SLC39A11: variants seen among roughly 807,000 people sequenced by gnomAD.
SLC39A11 encodes zinc transporter ZIP11.
SLC39A11 carries 33 observed loss-of-function variants against 36.1 expected under a neutral mutation model. The ratio of observed to expected loss-of-function variants is 0.91; its 90% CI spans 0.69 to 1.22. SLC39A11 has a LOEUF of 1.22. Among genes scored for constraint, SLC39A11 ranks in the 50% most tolerant of loss-of-function variants. The pLI, the probability that SLC39A11 is intolerant of heterozygous loss-of-function variation, is 0.00. For missense variants in SLC39A11, 432 were observed against 430.3 expected, an observed-to-expected ratio of 1.00 and a Z score of -0.03; for synonymous variants, 166 against 170.3, an observed-to-expected ratio of 0.97 and a Z score of 0.20.
chr17:72,985,844 G>T (rs930334016), intron 4 of SLC39A11, among the ~76,000 whole-genome samples: 5 of 152,172 alleles, frequency 3.3e-5, no homozygotes, highest in Admixed American at 1.3e-4. Flanking sequence ...TGCAAACAGG[G>T]TCTTTGTAAA....
At chr17:73,063,164 C>G (rs764245080) in intron 3 of SLC39A11, among the ~76,000 whole-genome samples, 9 of 152,176 alleles carry the variant, frequency 5.9e-5, no homozygotes, top group Non-Finnish European at 1.2e-4. Flanking sequence ...TTGTCTCTAT[C>G]ACCCTCAGTC....
intron 7 of SLC39A11, among the ~76,000 whole-genome samples, chr17:72,719,396 G>A (rs372101158): frequency 2.5e-4 from 38 of 152,288 alleles, no homozygotes; most frequent in South Asian, 1.0e-3. Flanking sequence ...ATGTCCCCAC[G>A]AGTGCGACAC....
At chr17:72,806,491 G>A (rs1291948312) in intron 6 of SLC39A11, among the ~76,000 whole-genome samples, 2 of 152,060 alleles carry the variant, frequency 1.3e-5, no homozygotes, top group Admixed American at 6.5e-5. Context: ...TCTTGGCAAC[G>A]GTCCCTTTTT....
rs759834440 is a variant in SLC39A11, at chr17:72,947,628, G to A, written c.430+124C>T. The A allele has an allele frequency of 7.2e-5, 101 of 1,401,750 alleles. 3 individuals carry two copies. The South Asian group carries it at 1.2e-3, about 16-fold the overall frequency. The allele number at this position is 1,401,750 out of a possible 1,614,324, so 86.8% of individuals were successfully genotyped here. A position where few individuals can be genotyped will look rare whatever the true frequency, so the allele number is the denominator to read the frequency against. ...ATGCAGTAGTAGGGTGAGTGATTCGGAGGGATAGGACAGTGCTGGCATTTC... is the reference window on the plus strand; with the variant it reads ...ATGCAGTAGTAGGGTGAGTGATTCGAAGGGATAGGACAGTGCTGGCATTTC... On this transcript the variant is annotated intron_variant, in intron 5 of 9. Coordinates refer to ENST00000255559, the MANE Select transcript of SLC39A11 (RefSeq NM_139177.4).
At chr17:72,796,122 AGTTATGAGGATGAAGCCCTGG>A (rs2076887767) in intron 6 of SLC39A11, among the ~76,000 whole-genome samples, 1 of 152,144 alleles carries the variant, frequency 6.6e-6, no homozygotes, top group African/African-American at 2.4e-5. Context: ...ACATACTCTG[AGTTATGAGGATGAAGCCCTGG>A]GCTGAGCCTC....
At chr17:72,746,912 T>C (rs1036170905) in intron 6 of SLC39A11, among the ~76,000 whole-genome samples, 12 of 151,746 alleles carry the variant, frequency 7.9e-5, no homozygotes, top group Non-Finnish European at 1.2e-4. Flanking sequence ...CTGGGTATGG[T>C]GGCATGAACC....
intron 6 of SLC39A11, among the ~76,000 whole-genome samples, chr17:72,845,919 C>T (rs545322774): frequency 6.8e-6 from 1 of 147,682 alleles, no homozygotes; most frequent in Non-Finnish European, 1.5e-5. Context: ...TTTTATTTTA[C>T]TATTATTTTT....
At chr17:72,804,609 G>A (rs979728842) in intron 6 of SLC39A11, among the ~76,000 whole-genome samples, 1 of 152,166 alleles carries the variant, frequency 6.6e-6, no homozygotes, top group African/African-American at 2.4e-5. Context: ...TATAGTAAGC[G>A]GGGCCTCAAA....
chr17:73,026,500 CA>C (rs2058558238), intron 4 of SLC39A11, among the ~76,000 whole-genome samples: 1 of 95,218 alleles, frequency 1.1e-5, no homozygotes, highest in Non-Finnish European at 1.9e-5. Context: ...GCCTGGGCAA[CA>C]AGAGCGAAAC....
intron 7 of SLC39A11, among the ~76,000 whole-genome samples, chr17:72,696,357 T>C (rs1369949043): frequency 6.6e-6 from 1 of 152,070 alleles, no homozygotes; most frequent in Non-Finnish European, 1.5e-5. Flanking sequence ...ATAATAGCAG[T>C]CGCCATTTAC....
chr17:73,008,920 G>A (rs1287511732), intron 4 of SLC39A11, among the ~76,000 whole-genome samples: 2 of 151,982 alleles, frequency 1.3e-5, no homozygotes, highest in African/African-American at 4.8e-5. Flanking sequence ...AAATAGGCAG[G>A]CGTGGCAGCA....
At chr17:72,651,335 C>A (rs888718388) in intron 7 of SLC39A11, among the ~76,000 whole-genome samples, 8 of 151,798 alleles carry the variant, frequency 5.3e-5, no homozygotes, top group African/African-American at 1.5e-4. Context: ...CACCCCCCTC[C>A]CAGGAGCCCC....
intron 6 of SLC39A11, among the ~76,000 whole-genome samples, chr17:72,740,196 G>A (rs1275724237): frequency 6.6e-6 from 1 of 151,256 alleles, no homozygotes; most frequent in Non-Finnish European, 1.5e-5. Flanking sequence ...CCGAGTGGCT[G>A]GGACTACAGG....
intron 6 of SLC39A11, among the ~76,000 whole-genome samples, chr17:72,804,946 G>GCGAA (rs766261973): frequency 2.0e-4 from 31 of 152,064 alleles, no homozygotes; most frequent in Non-Finnish European, 3.8e-4. Flanking sequence ...AACCCGGGAG[G>GCGAA]CGAAGGTTGC....
chr17:72,679,411 TAAAAG>T (rs1397429114), intron 7 of SLC39A11, among the ~76,000 whole-genome samples: 2 of 152,088 alleles, frequency 1.3e-5, no homozygotes, highest in East Asian at 1.9e-4. Context: ...AAAAATAAAA[TAAAAG>T]AATAGTGCTT....
At chr17:73,061,211 T>A (rs2059830218) in intron 3 of SLC39A11, among the ~76,000 whole-genome samples, 1 of 151,936 alleles carries the variant, frequency 6.6e-6, no homozygotes, top group Non-Finnish European at 1.5e-5. Flanking sequence ...AATACAAAAA[T>A]TAGCCGGGAG....
At chr17:72,827,158 A>C (rs1219752904) in intron 6 of SLC39A11, among the ~76,000 whole-genome samples, 1 of 152,248 alleles carries the variant, frequency 6.6e-6, no homozygotes, top group African/African-American at 2.4e-5. Context: ...ATGGAATATT[A>C]TTTGACAACA....
intron 5 of SLC39A11, among the ~76,000 whole-genome samples, chr17:72,855,331 C>A (rs1472429034): frequency 6.6e-6 from 1 of 152,082 alleles, no homozygotes; most frequent in Non-Finnish European, 1.5e-5. Context: ...TCTAATGGGC[C>A]CAATGATGGA....
intron 4 of SLC39A11, among the ~76,000 whole-genome samples, chr17:72,959,311 ATGTG>A (rs1214552224): frequency 3.2e-5 from 3 of 92,590 alleles, no homozygotes; most frequent in Admixed American, 1.3e-4. Context: ...TGGTGTATGT[ATGTG>A]TGTGTGTGTG....
Sources: allele counts gnomAD v4.1 joint callset (sites outside exome capture counted in the v4.1 genomes callset), GRCh38; gene constraint gnomAD v4.1.1; transcripts MANE v1.5; gene names NCBI Gene and HGNC (gene_info 2026-07-23, HGNC 2026-07-21).